Variants in CTNNA3 observed in about 807,000 individuals in gnomAD.
The protein encoded by CTNNA3 is catenin alpha-3.
Under a neutral mutation model 95.7 loss-of-function variants are expected in CTNNA3, and 76 were observed. That is an observed-to-expected ratio of 0.79 (90% confidence interval 0.66 to 0.96). CTNNA3 has a LOEUF of 0.96. Among genes scored for constraint, CTNNA3 ranks in the 40% least tolerant of loss-of-function variants. CTNNA3 has a pLI of 0.00. For synonymous variants in CTNNA3, 431 were observed against 374.4 expected (o/e 1.15, Z -1.74); for missense variants, 1,191 against 1,089.8 (o/e 1.09, Z -1.31).
At chr10:65,979,113 A>G (rs985493159) in intron 16 of CTNNA3, among the ~76,000 whole-genome samples, 2 of 152,126 alleles carry the variant, frequency 1.3e-5, no homozygotes, top group Non-Finnish European at 1.5e-5. Context: ...AAATCCTGTC[A>G]TATTTTGTCC....
chr10:66,295,695 G>A (rs896007275), intron 12 of CTNNA3, among the ~76,000 whole-genome samples: 4 of 152,116 alleles, frequency 2.6e-5, no homozygotes, highest in African/African-American at 9.7e-5. Flanking sequence ...CTCAGTGACT[G>A]CTGCTGTCAA....
intron 13 of CTNNA3, among the ~76,000 whole-genome samples, chr10:66,148,855 A>T (rs2084036526): frequency 6.6e-6 from 1 of 152,110 alleles, no homozygotes; most frequent in African/African-American, 2.4e-5. Context: ...ATATATATTT[A>T]TATGCTATGT....
chr10:67,664,229 A>T (rs1840272859), intron 1 of CTNNA3, among the ~76,000 whole-genome samples: 1 of 152,186 alleles, frequency 6.6e-6, no homozygotes, highest in South Asian at 2.1e-4. Flanking sequence ...TATCTTATTT[A>T]GATCACTCTG....
chr10:67,121,860 C>T (rs2131994823), intron 7 of CTNNA3, among the ~76,000 whole-genome samples: 1 of 151,612 alleles, frequency 6.6e-6, no homozygotes, highest in South Asian at 2.1e-4. Flanking sequence ...GATATAGGTC[C>T]ATATCTTCCA....
intron 5 of CTNNA3, among the ~76,000 whole-genome samples, chr10:67,352,216 C>T (rs1842662550): frequency 2.6e-5 from 4 of 151,924 alleles, no homozygotes; most frequent in Admixed American, 2.6e-4. Flanking sequence ...AGCACATCAA[C>T]CAGATCCTAG....
At chr10:67,372,115 T>C (rs1464328559) in intron 5 of CTNNA3, among the ~76,000 whole-genome samples, 1 of 152,134 alleles carries the variant, frequency 6.6e-6, no homozygotes, top group Admixed American at 6.6e-5. Context: ...TCTTTGTAGA[T>C]TCTGGATATT....
chr10:66,336,314 T>C (rs565542298), intron 12 of CTNNA3, among the ~76,000 whole-genome samples: 19 of 152,194 alleles, frequency 1.2e-4, no homozygotes, highest in Admixed American at 1.2e-3. Context: ...ACCCATCTTC[T>C]GCATCACCCA....
intron 7 of CTNNA3, among the ~76,000 whole-genome samples, chr10:67,162,101 C>G (rs1861574939): frequency 6.6e-6 from 1 of 151,934 alleles, no homozygotes; most frequent in African/African-American, 2.4e-5. Context: ...ACATCCTTCT[C>G]TCAACAATTA....
intron 11 of CTNNA3, among the ~76,000 whole-genome samples, chr10:66,399,907 G>C (rs1368016634): frequency 1.3e-5 from 2 of 151,888 alleles, no homozygotes; most frequent in Non-Finnish European, 2.9e-5. Flanking sequence ...TATGCCACTT[G>C]TTTATAAGTT....
chr10:67,228,386 G>C (rs984979804), intron 5 of CTNNA3, among the ~76,000 whole-genome samples: 1 of 152,078 alleles, frequency 6.6e-6, no homozygotes. Context: ...AGACTGAGGC[G>C]GGCAGATTAC....
chr10:66,651,657 G>GGCCT (rs568362452), intron 9 of CTNNA3, among the ~76,000 whole-genome samples: 36,447 of 105,406 alleles, frequency 0.35, 5,607 homozygotes, highest in East Asian at 0.64. Context: ...AGTGCCCGCC[G>GGCCT]GCCGGCACTG....
chr10:67,464,536 A>G (rs1847508136), intron 5 of CTNNA3, among the ~76,000 whole-genome samples: 1 of 152,166 alleles, frequency 6.6e-6, no homozygotes, highest in African/African-American at 2.4e-5. Context: ...TCTTGAAAGT[A>G]GTGGCTGAGT....
intron 2 of CTNNA3, among the ~76,000 whole-genome samples, chr10:67,634,822 A>G (rs544338790): frequency 1.3e-5 from 2 of 152,324 alleles, no homozygotes; most frequent in East Asian, 3.9e-4. Flanking sequence ...CCAGATGCAC[A>G]AAGCAAGTCC....
At chr10:66,036,500 G>A (rs2079565636) in intron 15 of CTNNA3, among the ~76,000 whole-genome samples, 2 of 151,950 alleles carry the variant, frequency 1.3e-5, no homozygotes, top group Admixed American at 6.6e-5. Flanking sequence ...TCAGCTTCCC[G>A]AGTAGCTGGG....
intron 11 of CTNNA3, among the ~76,000 whole-genome samples, chr10:66,442,307 C>A (rs532596475): frequency 1.3e-5 from 2 of 152,080 alleles, no homozygotes; most frequent in African/African-American, 2.4e-5. Context: ...GTCCTGGAAC[C>A]AACCCCCCAT....
chr10:67,416,520 A>C (rs1791962483), intron 5 of CTNNA3, among the ~76,000 whole-genome samples: 1 of 147,522 alleles, frequency 6.8e-6, no homozygotes, highest in African/African-American at 2.5e-5. Context: ...AGGCAGGAGA[A>C]TGGCGTGAAC....
At chr10:66,031,155 T>G (rs1186331983) in intron 15 of CTNNA3, among the ~76,000 whole-genome samples, 8 of 152,144 alleles carry the variant, frequency 5.3e-5, no homozygotes, top group Admixed American at 6.6e-5. Context: ...TGGAGATTCC[T>G]CAGAGAACTA....
intron 7 of CTNNA3, among the ~76,000 whole-genome samples, chr10:67,036,608 T>C (rs1378490732): frequency 6.6e-6 from 1 of 152,112 alleles, no homozygotes; most frequent in East Asian, 1.9e-4. Flanking sequence ...TAAGCTCAAG[T>C]GATCATTTCA....
At chr10:66,596,226 T>A (rs765715125) in intron 10 of CTNNA3, among the ~76,000 whole-genome samples, 10 of 152,098 alleles carry the variant, frequency 6.6e-5, no homozygotes, top group Non-Finnish European at 1.2e-4. Flanking sequence ...TCCCACTGGC[T>A]GGTTCATGAT....
Sources: gnomAD v4.1 joint callset for allele counts (sites outside exome capture counted in the v4.1 genomes callset) on GRCh38, gnomAD v4.1.1 for gene constraint, MANE v1.5 for transcripts, NCBI Gene and HGNC (gene_info 2026-07-23, HGNC 2026-07-21) for gene names.